The following ASIC2 variants were observed in gnomAD, a reference collection of about 807,000 sequenced individuals.
ASIC2 encodes acid sensing ion channel subunit 2.
A neutral mutation model predicts 57.3 loss-of-function variants in ASIC2; 25 were observed. That is an observed-to-expected ratio of 0.44 (90% CI 0.32 to 0.61). The LOEUF (loss-of-function observed/expected upper bound fraction) is 0.61. Among genes scored for constraint, ASIC2 ranks in the 20% least tolerant of loss-of-function variants. The pLI, the probability that ASIC2 is intolerant of heterozygous loss-of-function variation, is 0.06. For synonymous variants in ASIC2, 319 were observed against 307.5 expected (o/e 1.04, Z -0.39); for missense variants, 641 against 738.1 (o/e 0.87, Z 1.52).
chr17:33,600,018 C>G (rs1297942438), intron 1 of ASIC2, among the ~76,000 whole-genome samples: 1 of 152,176 alleles, frequency 6.6e-6, no homozygotes, highest in Non-Finnish European at 1.5e-5. Context: ...TCACTGCTGC[C>G]ATCTTGTCCA....
chr17:33,403,906 A>C (rs1427438796), intron 1 of ASIC2, among the ~76,000 whole-genome samples: 2 of 152,226 alleles, frequency 1.3e-5, no homozygotes, highest in African/African-American at 4.8e-5. Flanking sequence ...AGATGGCTTC[A>C]TGAGTCAGTG....
rs182789586 is a variant in ASIC2, at chr17:33,459,523, G to C, written c.556-347456C>G. ...GGAAATGCAAGTAGCTCTGCATAAC[G>C]AGAGGCTCATTGCTGGAGCAGGGCG... On this transcript the variant is annotated intron_variant, in intron 1 of 9. Coordinates refer to the ASIC2 transcript ENST00000359872. 2.0e-5 allele frequency among the ~76,000 whole-genome samples: 3 copies of C among 152,300 alleles called. No homozygotes were observed. In the East Asian group the frequency reaches 5.8e-4, roughly 29 times the overall value.
chr17:33,052,286 A>G (rs2091980084), intron 3 of ASIC2: 1 of 152,236 alleles, frequency 6.6e-6, no homozygotes, highest in Admixed American at 6.5e-5. Flanking sequence ...TAAGATGCCA[A>G]TTACAAAATT....
At chr17:34,007,371 T>G (rs971054331) in intron 1 of ASIC2, among the ~76,000 whole-genome samples, 1 of 152,202 alleles carries the variant, frequency 6.6e-6, no homozygotes, top group Admixed American at 6.5e-5. Flanking sequence ...TGAATGTGCT[T>G]GTGAAGTGAA....
intron 1 of ASIC2, among the ~76,000 whole-genome samples, chr17:33,173,066 T>C (rs1175814145): frequency 1.3e-5 from 2 of 152,170 alleles, no homozygotes; most frequent in African/African-American, 2.4e-5. Flanking sequence ...GGAGATACTC[T>C]GAGACTCAGC....
intron 1 of ASIC2, among the ~76,000 whole-genome samples, chr17:33,387,088 A>G (rs11080215): frequency 0.96 from 145,232 of 152,054 alleles, 69,430 homozygotes; most frequent in East Asian, 0.98. Flanking sequence ...GGGTTTCACC[A>G]TGTTGGCCAG....
intron 1 of ASIC2, among the ~76,000 whole-genome samples, chr17:33,461,461 A>G (rs1912633188): frequency 6.6e-6 from 1 of 151,952 alleles, no homozygotes; most frequent in Non-Finnish European, 1.5e-5. Context: ...GATATTCCCC[A>G]GGGCCCTGCT....
At chr17:33,129,335 C>CA (rs1192921384) in intron 1 of ASIC2, among the ~76,000 whole-genome samples, 1 of 151,774 alleles carries the variant, frequency 6.6e-6, no homozygotes, top group African/African-American at 2.4e-5. Flanking sequence ...CTTCTGAAAA[C>CA]AAAAAAAGAA....
chr17:33,312,571 T>G (rs1401638747), intron 1 of ASIC2, among the ~76,000 whole-genome samples: 1 of 152,152 alleles, frequency 6.6e-6, no homozygotes. Context: ...AGAAGAGGGA[T>G]GAGCGGCAAG....
chr17:33,381,902 A>C lies in ASIC2; in HGVS notation c.556-269835T>G, dbSNP rs185185526. 5.1e-4 allele frequency among the ~76,000 whole-genome samples: 78 copies of C among 152,326 alleles called. 1 individual carries two copies. The East Asian group carries it at 0.014, about 28-fold the overall frequency. ...GTTCTGAGGGTTACTGTAAAGATGA[A>C]CCAAAGTGAGGGATACACACTGGCA... On this transcript the variant is annotated intron_variant, in intron 1 of 9. Coordinates refer to the ASIC2 transcript ENST00000359872.
intron 1 of ASIC2, among the ~76,000 whole-genome samples, chr17:33,461,307 G>A (rs1912627491): frequency 6.6e-6 from 1 of 152,228 alleles, no homozygotes; most frequent in African/African-American, 2.4e-5. Flanking sequence ...GGTCCTGGGG[G>A]AGCGCAGAGC....
At chr17:33,884,234 A>T (rs1235077569) in intron 1 of ASIC2, among the ~76,000 whole-genome samples, 1 of 151,924 alleles carries the variant, frequency 6.6e-6, no homozygotes, top group Non-Finnish European at 1.5e-5. Flanking sequence ...CAGGATATTT[A>T]TTTCCCCAAC....
chr17:34,095,556 G>A (rs1910486692), intron 1 of ASIC2, among the ~76,000 whole-genome samples: 2 of 147,628 alleles, frequency 1.4e-5, no homozygotes, highest in Non-Finnish European at 3.0e-5. Flanking sequence ...ATGAAAAAAT[G>A]AGATTGGTAG....
chr17:33,436,384 C>T (rs745375254), intron 1 of ASIC2, among the ~76,000 whole-genome samples: 4 of 152,202 alleles, frequency 2.6e-5, no homozygotes, highest in African/African-American at 9.7e-5. Flanking sequence ...TCAATTGTTT[C>T]TATAGATAAG....
intron 1 of ASIC2, among the ~76,000 whole-genome samples, chr17:33,275,062 GA>G (rs1904650116): frequency 6.6e-6 from 1 of 152,184 alleles, no homozygotes; most frequent in South Asian, 2.1e-4. Flanking sequence ...GGCCCAGGCT[GA>G]AAAATGTTCT....
chr17:33,872,340 C>G (rs373533192), intron 1 of ASIC2, among the ~76,000 whole-genome samples: 2 of 152,194 alleles, frequency 1.3e-5, no homozygotes, highest in South Asian at 2.1e-4. Context: ...TCTGAGGGGT[C>G]AGGCAGGAAG....
chr17:34,101,157 T>C (rs1910849759), intron 1 of ASIC2, among the ~76,000 whole-genome samples: 1 of 152,222 alleles, frequency 6.6e-6, no homozygotes, highest in Admixed American at 6.5e-5. Context: ...CAGCTGTTTA[T>C]AAGCATGGGC....
intron 3 of ASIC2, among the ~76,000 whole-genome samples, chr17:33,049,083 G>A (rs2091965716): frequency 6.6e-6 from 1 of 152,182 alleles, no homozygotes; most frequent in South Asian, 2.1e-4. Context: ...AAAGAGCGTG[G>A]ACTTTGGTAT....
At chr17:33,042,807 C>T (rs1011066580) in intron 3 of ASIC2, among the ~76,000 whole-genome samples, 5 of 152,150 alleles carry the variant, frequency 3.3e-5, no homozygotes, top group Non-Finnish European at 7.3e-5. Context: ...TGGCTGGAGG[C>T]CATTGCAGAG....
Sources: gnomAD v4.1 joint callset for allele counts (sites outside exome capture counted in the v4.1 genomes callset) on GRCh38, gnomAD v4.1.1 for gene constraint, MANE v1.5 for transcripts, NCBI Gene and HGNC (gene_info 2026-07-23, HGNC 2026-07-21) for gene names.